Variants in GRID2 observed in about 807,000 individuals in gnomAD.
The protein encoded by GRID2 is glutamate receptor ionotropic, delta-2.
In GRID2, 33 loss-of-function variants were observed where a neutral mutation model predicts 114.8. The ratio of observed to expected loss-of-function variants is 0.29; its 90% CI spans 0.22 to 0.38. The LOEUF is 0.38. Ranked by LOEUF, GRID2 falls within the 10% of genes least tolerant of loss-of-function variation. The probability of loss-of-function intolerance (pLI) is 1.00; values close to 1 mark genes in which losing one functional copy is unlikely to be tolerated. For missense variants in GRID2, 1,184 were observed against 1,257.7 expected (o/e 0.94, Z 0.89); for synonymous variants, 505 against 449.9 (o/e 1.12, Z -1.55).
intron 1 of GRID2, among the ~76,000 whole-genome samples, chr4:92,417,846 G>A (rs1218593302): frequency 1.3e-5 from 2 of 152,056 alleles, no homozygotes; most frequent in South Asian, 2.1e-4. Context: ...TGCTGTTCTC[G>A]TGGTAGTGAA....
At chr4:93,578,530 A>C (rs528622653) in intron 13 of GRID2, among the ~76,000 whole-genome samples, 241 of 152,096 alleles carry the variant, frequency 1.6e-3, no homozygotes, top group Non-Finnish European at 2.7e-3. Flanking sequence ...CAAAGCTCGG[A>C]AAGCTGATAT....
chr4:93,621,890 A>G (rs1742246570), intron 13 of GRID2, among the ~76,000 whole-genome samples: 1 of 152,040 alleles, frequency 6.6e-6, no homozygotes, highest in South Asian at 2.1e-4. Flanking sequence ...GACAGCATAT[A>G]TAATGGCAAG....
At chr4:92,514,184 A>G (rs945652305) in intron 1 of GRID2, among the ~76,000 whole-genome samples, 2 of 151,918 alleles carry the variant, frequency 1.3e-5, no homozygotes, top group African/African-American at 4.8e-5. Flanking sequence ...CATAGACAGC[A>G]TTATATTATT....
Position 92,345,915 on chromosome 4 carries a change from T to C in GRID2, c.88+41171T>C, listed in dbSNP as rs1287517270. The stretch of plus-strand genomic sequence containing the variant: ...ATCATCAATCTTTTTAGTATACAAA[T>C]GATACAAAGTGACTTATCAAAAGTG... On this transcript the variant is annotated intron_variant, in intron 1 of 15. Coordinates refer to ENST00000282020, the MANE Select transcript of GRID2 (RefSeq NM_001510.4). Among the ~76,000 whole-genome samples the C allele has an allele frequency of 2.0e-5, 3 of 152,184 alleles. No homozygotes were observed. The East Asian group carries it at 5.8e-4, about 29-fold the overall frequency.
At chr4:92,678,919 G>T (rs1169087109) in intron 2 of GRID2, among the ~76,000 whole-genome samples, 1 of 150,326 alleles carries the variant, frequency 6.7e-6, no homozygotes, top group South Asian at 2.1e-4. Flanking sequence ...CCCATAAAAT[G>T]AGTAACTTGT....
chr4:92,611,068 G>A (rs923259594), intron 2 of GRID2, among the ~76,000 whole-genome samples: 5 of 135,494 alleles, frequency 3.7e-5, no homozygotes, highest in African/African-American at 5.1e-5. Flanking sequence ...ATGTGTGTGT[G>A]TATATATATA....
At chr4:93,279,142 C>T (rs1752382839) in intron 8 of GRID2, among the ~76,000 whole-genome samples, 1 of 151,400 alleles carries the variant, frequency 6.6e-6, no homozygotes, top group African/African-American at 2.4e-5. Flanking sequence ...ACAAAATGTC[C>T]CAAATATTTT....
chr4:92,434,741 CAAATT>C (rs1412214817), intron 1 of GRID2, among the ~76,000 whole-genome samples: 1 of 151,806 alleles, frequency 6.6e-6, no homozygotes, highest in Admixed American at 6.6e-5. Context: ...TCTAATAATA[CAAATT>C]TTTCCAAAAG....
chr4:92,584,009 G>A (rs1728305486), intron 1 of GRID2, among the ~76,000 whole-genome samples: 1 of 151,410 alleles, frequency 6.6e-6, no homozygotes, highest in Admixed American at 6.6e-5. Flanking sequence ...GCTAAGTGAA[G>A]ATGCTTATTG....
At chr4:92,945,760 G>C (rs1751577507) in intron 2 of GRID2, among the ~76,000 whole-genome samples, 2 of 152,164 alleles carry the variant, frequency 1.3e-5, no homozygotes, top group Admixed American at 1.3e-4. Context: ...GATGATGGAA[G>C]AGTGCAGTTG....
intron 13 of GRID2, among the ~76,000 whole-genome samples, chr4:93,624,935 T>C (rs1354436064): frequency 2.0e-5 from 3 of 152,140 alleles, no homozygotes; most frequent in African/African-American, 7.2e-5. Context: ...TAAGTGATGA[T>C]AGAGGAGGTT....
chr4:93,421,757 T>C (rs1768308038), intron 9 of GRID2, among the ~76,000 whole-genome samples: 2 of 152,110 alleles, frequency 1.3e-5, no homozygotes, highest in Non-Finnish European at 2.9e-5. Flanking sequence ...GGTGCAGTGA[T>C]TTTATAAGCT....
At chr4:93,595,734 G>A (rs974906541) in intron 13 of GRID2, among the ~76,000 whole-genome samples, 3 of 152,076 alleles carry the variant, frequency 2.0e-5, no homozygotes, top group African/African-American at 7.2e-5. Flanking sequence ...TAATATTACC[G>A]TGAAAATATT....
At chr4:92,991,318 AG>A (rs1026354412) in intron 2 of GRID2, among the ~76,000 whole-genome samples, 1 of 152,204 alleles carries the variant, frequency 6.6e-6, no homozygotes, top group Non-Finnish European at 1.5e-5. Context: ...AAAACATAAA[AG>A]TAGGCCAAAA....
chr4:93,570,679 G>A (rs1735854104), intron 13 of GRID2, among the ~76,000 whole-genome samples: 1 of 152,048 alleles, frequency 6.6e-6, no homozygotes, highest in South Asian at 2.1e-4. Flanking sequence ...ATGTACAATT[G>A]TTATTTGTCA....
intron 2 of GRID2, among the ~76,000 whole-genome samples, chr4:93,057,752 C>T (rs773373928): frequency 7.9e-5 from 12 of 151,614 alleles, no homozygotes; most frequent in Non-Finnish European, 1.5e-4. Flanking sequence ...AAGGGGAAAA[C>T]ATTATAATAT....
At chr4:93,463,813 C>A (rs1204547322) in intron 11 of GRID2, among the ~76,000 whole-genome samples, 1 of 151,888 alleles carries the variant, frequency 6.6e-6, no homozygotes, top group Non-Finnish European at 1.5e-5. Flanking sequence ...CATGGTGAAA[C>A]CCTGTCTCTA....
chr4:92,652,764 T>G (rs1005868831), intron 2 of GRID2, among the ~76,000 whole-genome samples: 2 of 136,582 alleles, frequency 1.5e-5, no homozygotes, highest in Non-Finnish European at 3.1e-5. Flanking sequence ...GATCACAAGA[T>G]CAGGAGTTCA....
chr4:92,828,249 C>A (rs1031224985), intron 2 of GRID2, among the ~76,000 whole-genome samples: 1 of 152,102 alleles, frequency 6.6e-6, no homozygotes, highest in African/African-American at 2.4e-5. Flanking sequence ...CACTGGCAAC[C>A]AAAGTTTATT....
Sources: gnomAD v4.1 joint callset for allele counts (sites outside exome capture counted in the v4.1 genomes callset) on GRCh38, gnomAD v4.1.1 for gene constraint, MANE v1.5 for transcripts, NCBI Gene and HGNC (gene_info 2026-07-23, HGNC 2026-07-21) for gene names.